Variants in CAST observed in about 807,000 individuals in gnomAD.
CAST encodes the protein MIR583 host.
A neutral mutation model predicts 119.6 loss-of-function variants in CAST; 76 were observed. That is an observed-to-expected ratio of 0.64 (90% CI 0.53 to 0.77). CAST has a LOEUF of 0.77. Among genes scored for constraint, CAST ranks in the 30% least tolerant of loss-of-function variants. CAST has a pLI of 0.00. For missense variants in CAST, 953 were observed against 946.5 expected, an observed-to-expected ratio of 1.01 and a Z score of -0.09; for synonymous variants, 319 against 331.6, an observed-to-expected ratio of 0.96 and a Z score of 0.41.
chr5:96,445,602 C>T, the CAST span, among the ~76,000 whole-genome samples: 1 of 152,146 alleles, frequency 6.6e-6, no homozygotes, highest in African/African-American at 2.4e-5. Flanking sequence ...TCTCTTCTCC[C>T]AGTGTTCCAC....
At chr5:96,675,439 C>T (rs993426904) in intron 1 of CAST, 100 bp from the exon 2 acceptor site, 60 of 785,250 alleles carry the variant, frequency 7.6e-5, no homozygotes, top group South Asian at 3.5e-4. Context: ...TTAAAGTGGT[C>T]GTTTTTTAAA....
chr5:96,110,088 T>A, the CAST span, among the ~76,000 whole-genome samples: 2 of 152,278 alleles, frequency 1.3e-5, no homozygotes, highest in East Asian at 3.9e-4. Flanking sequence ...CTAAGATACA[T>A]CTCCAGTTCC....
chr5:96,054,266 A>G, the CAST span, among the ~76,000 whole-genome samples: 445 of 152,164 alleles, frequency 2.9e-3, 2 homozygotes, highest in African/African-American at 0.01. Context: ...TTATAAAGAC[A>G]GGTTTTTCTC....
chr5:96,569,645 C>T (rs1408288835), intron 1 of CAST, among the ~76,000 whole-genome samples: 1 of 152,186 alleles, frequency 6.6e-6, no homozygotes, highest in Non-Finnish European at 1.5e-5. Context: ...TGTCTTACTG[C>T]TAACCTAGAA....
intron 1 of CAST, among the ~76,000 whole-genome samples, chr5:96,534,471 C>T (rs1745745409): frequency 6.6e-6 from 1 of 151,292 alleles, no homozygotes; most frequent in Non-Finnish European, 1.5e-5. Flanking sequence ...GAGTTCAAAA[C>T]CAGTCTGACC....
At chr5:96,393,160 G>A in the CAST span, 164 of 1,614,018 alleles carry the variant, frequency 1.0e-4, no homozygotes, top group Middle Eastern at 1.6e-4. Context: ...CCAGGGCTTC[G>A]TAGAAGTTTT....
At chr5:96,001,451 G>A in the CAST span, among the ~76,000 whole-genome samples, 1 of 152,124 alleles carries the variant, frequency 6.6e-6, no homozygotes, top group Non-Finnish European at 1.5e-5. Flanking sequence ...ATGGGACAGA[G>A]GAATTTCAGC....
At chr5:96,018,610 T>G in the CAST span, among the ~76,000 whole-genome samples, 2 of 152,200 alleles carry the variant, frequency 1.3e-5, no homozygotes, top group Non-Finnish European at 2.9e-5. Context: ...CTTGAAACTT[T>G]ATAGTTTCCC....
chr5:96,177,139 A>G, the CAST span, among the ~76,000 whole-genome samples: 1 of 152,224 alleles, frequency 6.6e-6, no homozygotes, highest in Non-Finnish European at 1.5e-5. Context: ...ATTATCCCTC[A>G]TTAAAAAATC....
At chr5:96,393,239 A>G in the CAST span, 5 of 1,613,958 alleles carry the variant, frequency 3.1e-6, no homozygotes, top group Non-Finnish European at 4.2e-6. Flanking sequence ...GTTTTTACTG[A>G]AAGCACTTTG....
At chr5:96,135,008 G>A in the CAST span, among the ~76,000 whole-genome samples, 8 of 152,104 alleles carry the variant, frequency 5.3e-5, no homozygotes, top group East Asian at 1.9e-4. Context: ...AGGAAATAGC[G>A]AGAACACAAG....
the CAST span, among the ~76,000 whole-genome samples, chr5:96,234,710 C>G: frequency 1.3e-5 from 2 of 152,108 alleles, no homozygotes; most frequent in Admixed American, 1.3e-4. Flanking sequence ...TTCTCTTTTT[C>G]CAGTAAAATA....
the CAST span, among the ~76,000 whole-genome samples, chr5:96,047,464 T>C: frequency 2.6e-5 from 4 of 152,270 alleles, no homozygotes; most frequent in East Asian, 7.7e-4. Flanking sequence ...GGAAGCCCAA[T>C]AGTTGTACTT....
the CAST span, among the ~76,000 whole-genome samples, chr5:95,978,100 G>A: frequency 1.3e-5 from 2 of 152,136 alleles, 1 homozygote; most frequent in South Asian, 4.2e-4. Flanking sequence ...AATAGTGCTG[G>A]ATGAACACAC....
At chr5:96,656,294 C>T (rs7715982) in intron 1 of CAST, among the ~76,000 whole-genome samples, 98,563 of 152,144 alleles carry the variant, frequency 0.65, 33,538 homozygotes, top group African/African-American at 0.85. Flanking sequence ...TCTTGGTTAA[C>T]AAATAACAGA....
the CAST span, among the ~76,000 whole-genome samples, chr5:96,517,627 G>T: frequency 1.8e-4 from 28 of 152,340 alleles, no homozygotes; most frequent in African/African-American, 4.8e-5. Flanking sequence ...GCTAAAGCAA[G>T]TTGACAGTGT....
chr5:96,242,331 A>G, the CAST span, among the ~76,000 whole-genome samples: 22 of 152,122 alleles, frequency 1.4e-4, no homozygotes, highest in Non-Finnish European at 3.2e-4. Context: ...GGGTGTGGCT[A>G]TGTTGCTTAG....
the CAST span, among the ~76,000 whole-genome samples, chr5:96,356,112 T>C: frequency 6.6e-6 from 1 of 152,268 alleles, no homozygotes; most frequent in Non-Finnish European, 1.5e-5. Context: ...TTTAAATATG[T>C]TTGTTGGCCA....
intron 1 of CAST, among the ~76,000 whole-genome samples, chr5:96,545,624 G>A (rs954514881): frequency 3.3e-4 from 51 of 152,290 alleles, no homozygotes; most frequent in African/African-American, 9.9e-4. Context: ...GCTGTTGATA[G>A]ATTAGGCAGT....
Sources: allele counts gnomAD v4.1 joint callset (sites outside exome capture counted in the v4.1 genomes callset), GRCh38; gene constraint gnomAD v4.1.1; transcripts MANE v1.5; gene names NCBI Gene and HGNC (gene_info 2026-07-23, HGNC 2026-07-21).